The following SRD5A3 variants were observed in gnomAD, a reference collection of about 807,000 sequenced individuals.
The protein encoded by SRD5A3 is polyprenal reductase.
In SRD5A3, 24 loss-of-function variants were observed where a neutral mutation model predicts 34.3. The ratio of observed to expected loss-of-function variants is 0.70; its 90% CI spans 0.51 to 0.99. The LOEUF (loss-of-function observed/expected upper bound fraction) is 0.99. Ranked by LOEUF, SRD5A3 falls within the 50% of genes least tolerant of loss-of-function variation. The pLI, the probability that SRD5A3 is intolerant of heterozygous loss-of-function variation, is 0.00. For missense variants in SRD5A3, 350 were observed against 388.2 expected, an observed-to-expected ratio of 0.90 and a Z score of 0.83; for synonymous variants, 161 against 167.3, an observed-to-expected ratio of 0.96 and a Z score of 0.29.
At chr4:55,351,072 T>A (rs1224709248) in intron 1 of SRD5A3, among the ~76,000 whole-genome samples, 2 of 128,474 alleles carry the variant, frequency 1.6e-5, no homozygotes, top group East Asian at 4.1e-4. Flanking sequence ...CTGGCCTAAA[T>A]TTTTTTTTTT....
chr4:55,364,388 ATTT>A, intron 3 of SRD5A3, 117 bp downstream of exon 3: 1 of 1,229,718 alleles, frequency 8.1e-7, no homozygotes, highest in Non-Finnish European at 1.2e-6. Flanking sequence ...GGCCCAATGC[ATTT>A]TGCATTTCAG....
rs532896471 is a variant in SRD5A3 at position 55,352,009 on chromosome 4, T to C, written c.221+5452T>C. Reference sequence around the variant, plus strand: ...CTGCTTAGGTTCCTTTGTGTGTACATGGTAATCCTTCAAATCTTGGATCCT... The same window carrying C: ...CTGCTTAGGTTCCTTTGTGTGTACACGGTAATCCTTCAAATCTTGGATCCT... On this transcript the variant is annotated intron_variant, in intron 1 of 4. Coordinates refer to ENST00000264228, the MANE Select transcript of SRD5A3 (RefSeq NM_024592.5). 2.3e-4 allele frequency: 174 copies of C among 765,266 alleles called. No individual in the cohort carries two copies. The African/African-American group carries it at 2.6e-3, about 12-fold the overall frequency. The allele number at this position is 765,266 out of a possible 1,614,324, so 47.4% of individuals were successfully genotyped here.
At chr4:55,346,704 T>A in intron 1 of SRD5A3, 147 bp downstream of exon 1, 1 of 712,346 alleles carries the variant, frequency 1.4e-6, no homozygotes, top group Non-Finnish European at 2.1e-6. Flanking sequence ...CGGCGCTCCC[T>A]CGGCCTGGCC....
At chr4:55,358,106 G>A (rs776967513) in intron 1 of SRD5A3, among the ~76,000 whole-genome samples, 1 of 152,182 alleles carries the variant, frequency 6.6e-6, no homozygotes, top group African/African-American at 2.4e-5. Flanking sequence ...AAGAAGGAGT[G>A]GGATTTAATA....
At position 55,370,863 on chromosome 4, in the gene SRD5A3, G is replaced by A. The variant is rs1480973724; in HGVS notation, c.*772G>A. ...ATGCCACTGCACTCCAGCCTGGCCTGGGCAACAGAGCAAGACCCTGTCTCA... is the reference window on the plus strand; with the variant it reads ...ATGCCACTGCACTCCAGCCTGGCCTAGGCAACAGAGCAAGACCCTGTCTCA... On this transcript the variant is annotated 3_prime_UTR_variant, in exon 5 of 5. Transcript: ENST00000264228. The A allele has an allele frequency of 2.0e-5, 3 of 152,032 alleles. No individual in the cohort carries two copies. The highest frequency in any genetic ancestry group is 4.4e-5 in the Non-Finnish European group (3 of 68,038). The allele number at this position is 152,032 out of a possible 1,614,324, so 9.4% of individuals were successfully genotyped here.
chr4:55,359,205 A>C, intron 1 of SRD5A3, 141 bp from the exon 2 acceptor site: 1 of 1,165,024 alleles, frequency 8.6e-7, no homozygotes, highest in Non-Finnish European at 1.3e-6. Flanking sequence ...CACCTATAGG[A>C]TTCAGATTCT....
rs192114479 is a variant in SRD5A3, at chr4:55,371,177, A to G, written c.*1086A>G. On this transcript the variant is annotated 3_prime_UTR_variant, in exon 5 of 5. Coordinates refer to ENST00000264228, the MANE Select transcript of SRD5A3 (RefSeq NM_024592.5). ...AAGCCTTCGTGAACGGAAGTGACAC[A>G]CTCTGGATTGAATAATACTGTAGCC... The G allele has an allele frequency of 2.6e-5, 4 of 152,296 alleles. No individual in the cohort carries two copies. The highest frequency in any genetic ancestry group is 3.9e-4 in the East Asian group (2 of 5,182). The allele number at this position is 152,296 out of a possible 1,614,324, so 9.4% of individuals were successfully genotyped here.
At chr4:55,355,064 G>C (rs111260505) in intron 1 of SRD5A3, among the ~76,000 whole-genome samples, 98 of 152,378 alleles carry the variant, frequency 6.4e-4, no homozygotes, top group African/African-American at 2.2e-3. Context: ...GAAAAAAGGA[G>C]AGTGTCCAAA....
intron 1 of SRD5A3, among the ~76,000 whole-genome samples, chr4:55,348,759 T>C (rs925801582): frequency 2.6e-5 from 4 of 152,224 alleles, no homozygotes; most frequent in Non-Finnish European, 5.9e-5. Flanking sequence ...GCTTAGAAGA[T>C]AGCAGTTGTG....
chr4:55,363,438 A>G (rs1255820241), intron 2 of SRD5A3, among the ~76,000 whole-genome samples: 3 of 152,144 alleles, frequency 2.0e-5, no homozygotes, highest in Non-Finnish European at 4.4e-5. Flanking sequence ...TGTCTCAAAA[A>G]TAAAGAAGTT....
rs572494725 is a variant in SRD5A3, at chr4:55,354,557, G to A, written c.222-4789G>A. On this transcript the variant is annotated intron_variant, in intron 1 of 4. Transcript: ENST00000264228. ...ATCTGGTTCTATTCCAGGTTTGAGG[G>A]CCTCTCTGCTAGTTCTCTCTCTTAC... is the stretch of plus-strand genomic sequence containing the variant. 5.3e-5 allele frequency among the ~76,000 whole-genome samples: 8 copies of A among 152,138 alleles called. No individual in the cohort carries two copies. The East Asian group carries it at 9.7e-4, about 18-fold the overall frequency.
At chr4:55,347,364 C>G (rs886130491) in intron 1 of SRD5A3, among the ~76,000 whole-genome samples, 4 of 152,214 alleles carry the variant, frequency 2.6e-5, no homozygotes, top group African/African-American at 9.6e-5. Context: ...CGCAGTGGCT[C>G]ACGCCTGTAA....
At chr4:55,357,314 G>T (rs910094761) in intron 1 of SRD5A3, among the ~76,000 whole-genome samples, 3 of 152,238 alleles carry the variant, frequency 2.0e-5, no homozygotes, top group African/African-American at 7.2e-5. Context: ...GAAGTGCTCA[G>T]TAAATATTTG....
chr4:55,349,017 G>A (rs1719092388), intron 1 of SRD5A3, among the ~76,000 whole-genome samples: 1 of 152,104 alleles, frequency 6.6e-6, no homozygotes, highest in Non-Finnish European at 1.5e-5. Flanking sequence ...TTTTTCCTGT[G>A]CAAAATCTAG....
At position 55,356,773 on chromosome 4, in the gene SRD5A3, G is replaced by A. The variant is rs540725065; in HGVS notation, c.222-2573G>A. Among the ~76,000 whole-genome samples the A allele has an allele frequency of 2.1e-4, 32 of 151,882 alleles. No individual in the cohort carries two copies. The East Asian group carries it at 6.0e-3, about 28-fold the overall frequency. On this transcript the variant is annotated intron_variant, in intron 1 of 4. Coordinates refer to ENST00000264228, the MANE Select transcript of SRD5A3 (RefSeq NM_024592.5). ...TGCCCAGGCTGGAGTGCAATGGCGC[G>A]ATCTTGGCTCACTGCAACCTCCGCC...
chr4:55,363,945 ATTTC>A (rs765081105), intron 2 of SRD5A3, 125 bp from the exon 3 acceptor site: 189 of 964,506 alleles, frequency 2.0e-4, no homozygotes, highest in Non-Finnish European at 3.0e-4. Flanking sequence ...CATTTGGCCC[ATTTC>A]TTCCTTACTA....
At chr4:55,366,252 C>T (rs1221967285) in intron 3 of SRD5A3, among the ~76,000 whole-genome samples, 1 of 152,234 alleles carries the variant, frequency 6.6e-6, no homozygotes, top group Non-Finnish European at 1.5e-5. Flanking sequence ...GCATAAGGGA[C>T]TTAGTGATTT....
intron 2 of SRD5A3, among the ~76,000 whole-genome samples, chr4:55,363,447 T>C (rs1432540159): frequency 1.3e-5 from 2 of 151,662 alleles, no homozygotes; most frequent in Non-Finnish European, 2.9e-5. Flanking sequence ...AATAAAGAAG[T>C]TGACACATAA....
At chr4:55,360,951 A>C (rs1194929093) in intron 2 of SRD5A3, among the ~76,000 whole-genome samples, 1 of 152,112 alleles carries the variant, frequency 6.6e-6, no homozygotes, top group Non-Finnish European at 1.5e-5. Context: ...TGGCCTCCCA[A>C]AGCGCTGGGA....
Sources: allele counts gnomAD v4.1 joint callset (sites outside exome capture counted in the v4.1 genomes callset), GRCh38; gene constraint gnomAD v4.1.1; transcripts MANE v1.5; gene names NCBI Gene and HGNC (gene_info 2026-07-23, HGNC 2026-07-21).